PDSS2: variants seen among roughly 807,000 people sequenced by gnomAD.
The protein encoded by PDSS2 is decaprenyl diphosphate synthase subunit 2, also known as all trans-polyprenyl-diphosphate synthase PDSS2.
PDSS2 carries 31 observed loss-of-function variants against 44.5 expected under a neutral mutation model. The ratio of observed to expected loss-of-function variants is 0.70; its 90% CI spans 0.52 to 0.94. PDSS2 has a LOEUF of 0.94. Among genes scored for constraint, PDSS2 ranks in the 40% least tolerant of loss-of-function variants. PDSS2 has a pLI of 0.00. For synonymous variants in PDSS2, 157 were observed against 180.3 expected, an observed-to-expected ratio of 0.87 and a Z score of 1.03; for missense variants, 452 against 482.2, an observed-to-expected ratio of 0.94 and a Z score of 0.59.
chr6:107,267,699 C>T (rs1388643794), intron 3 of PDSS2, among the ~76,000 whole-genome samples: 1 of 151,508 alleles, frequency 6.6e-6, no homozygotes, highest in Non-Finnish European at 1.5e-5. Flanking sequence ...AATCCTACCA[C>T]CTCAGCCTGC....
chr6:107,363,912 C>T, intron 1 of PDSS2, among the ~76,000 whole-genome samples: 1 of 152,182 alleles, frequency 6.6e-6, no homozygotes, highest in East Asian at 1.9e-4. Context: ...TTGGTGCACT[C>T]ACAAACCTTG....
intron 2 of PDSS2, among the ~76,000 whole-genome samples, chr6:107,332,554 C>T (rs914229854): frequency 1.3e-5 from 2 of 151,874 alleles, no homozygotes; most frequent in Non-Finnish European, 2.9e-5. Flanking sequence ...TAATGCTAGT[C>T]TGATCTATAA....
At chr6:107,432,529 G>A (rs970245953) in intron 1 of PDSS2, among the ~76,000 whole-genome samples, 1 of 152,168 alleles carries the variant, frequency 6.6e-6, no homozygotes, top group Non-Finnish European at 1.5e-5. Context: ...GGTGGCTCAT[G>A]CCTGTGATCC....
chr6:107,293,168 A>T (rs1776401226), intron 2 of PDSS2, among the ~76,000 whole-genome samples: 1 of 152,128 alleles, frequency 6.6e-6, no homozygotes, highest in African/African-American at 2.4e-5. Context: ...CCCTGGACAT[A>T]TGGGAATCCC....
At chr6:107,317,576 G>A (rs763416) in intron 2 of PDSS2, among the ~76,000 whole-genome samples, 24,370 of 152,080 alleles carry the variant, frequency 0.16, 2,098 homozygotes, top group South Asian at 0.2. Flanking sequence ...GATTACAACC[G>A]TGCCTGACCT....
chr6:107,164,167 A>AT (rs111592512), intron 7 of PDSS2, among the ~76,000 whole-genome samples: 44,499 of 136,270 alleles, frequency 0.33, 7,125 homozygotes, highest in Non-Finnish European at 0.39. Flanking sequence ...ACTTAAAAAA[A>AT]ATTTTTTTTT....
chr6:107,334,876 G>A (rs908832399), intron 1 of PDSS2, among the ~76,000 whole-genome samples: 5 of 151,996 alleles, frequency 3.3e-5, no homozygotes, highest in African/African-American at 1.2e-4. Flanking sequence ...CGACAATCTC[G>A]CTGGTGGCAG....
chr6:107,443,110 A>C (rs1037736698), intron 1 of PDSS2, among the ~76,000 whole-genome samples: 3 of 152,240 alleles, frequency 2.0e-5, no homozygotes, highest in African/African-American at 4.8e-5. Flanking sequence ...CTGACTAACA[A>C]GCATAGTACT....
chr6:107,361,455 T>C (rs1267111762), intron 1 of PDSS2, among the ~76,000 whole-genome samples: 1 of 152,226 alleles, frequency 6.6e-6, no homozygotes, highest in African/African-American at 2.4e-5. Flanking sequence ...ACCCATTTCA[T>C]TTTTCAATTT....
intron 1 of PDSS2, among the ~76,000 whole-genome samples, chr6:107,373,823 A>C (rs1394563658): frequency 6.6e-6 from 1 of 152,230 alleles, no homozygotes; most frequent in Non-Finnish European, 1.5e-5. Context: ...TAGATGAAGT[A>C]CAACAGAGGT....
chr6:107,268,022 A>C (rs977496789), intron 3 of PDSS2, among the ~76,000 whole-genome samples: 3 of 152,318 alleles, frequency 2.0e-5, no homozygotes, highest in South Asian at 2.1e-4. Flanking sequence ...GGTCTACCTC[A>C]TGAGTATATG....
At chr6:107,274,960 AC>A (rs1381394089) in intron 2 of PDSS2, among the ~76,000 whole-genome samples, 2 of 152,216 alleles carry the variant, frequency 1.3e-5, no homozygotes, top group Non-Finnish European at 2.9e-5. Flanking sequence ...GGTGTGAGCC[AC>A]TGCTCCTAGC....
intron 7 of PDSS2, among the ~76,000 whole-genome samples, chr6:107,185,400 A>G (rs1468854958): frequency 6.6e-6 from 1 of 152,180 alleles, no homozygotes; most frequent in Non-Finnish European, 1.5e-5. Context: ...TTAAAAAGAA[A>G]CTGGGAAAAA....
At chr6:107,250,259 A>C (rs915232793) in intron 3 of PDSS2, among the ~76,000 whole-genome samples, 2 of 152,072 alleles carry the variant, frequency 1.3e-5, no homozygotes, top group Non-Finnish European at 2.9e-5. Context: ...AGCTATTTAC[A>C]AAATAGAAGT....
chr6:107,370,353 C>T (rs1047061463), intron 1 of PDSS2, among the ~76,000 whole-genome samples: 3 of 152,130 alleles, frequency 2.0e-5, no homozygotes, highest in African/African-American at 7.2e-5. Flanking sequence ...GAATCATTTA[C>T]GCAAGATTAC....
chr6:107,360,798 TTGACTC>T (rs1388368389), intron 1 of PDSS2, among the ~76,000 whole-genome samples: 1 of 152,368 alleles, frequency 6.6e-6, no homozygotes, highest in East Asian at 1.9e-4. Context: ...CTGTTTTGTT[TTGACTC>T]TATGTATAGT....
rs183193554 is a variant in PDSS2, at chr6:107,169,162, G to A, written c.1042-14385C>T. Among the ~76,000 whole-genome samples the A allele has an allele frequency of 5.4e-3, 819 of 152,116 alleles. 8 individuals carry two copies. The highest frequency in any genetic ancestry group is 5.9e-3 in the Non-Finnish European group (399 of 68,010). ...TTCACATAGTCCCATATTTCTCGGA[G>A]GCTTTGTTTGTTTATTTTTCCTCTT... On this transcript the variant is annotated intron_variant, in intron 7 of 7. Transcript: ENST00000369037.
intron 1 of PDSS2, among the ~76,000 whole-genome samples, chr6:107,443,546 T>C (rs1252988487): frequency 6.6e-6 from 1 of 152,256 alleles, no homozygotes; most frequent in African/African-American, 2.4e-5. Flanking sequence ...TTCATGTATC[T>C]TGTCCAGTTT....
intron 7 of PDSS2, among the ~76,000 whole-genome samples, chr6:107,181,619 G>A (rs547582796): frequency 1.1e-3 from 172 of 151,370 alleles, no homozygotes; most frequent in Non-Finnish European, 2.1e-3. Flanking sequence ...GTCGGGCACC[G>A]TGGCTCACAC....
Sources: gnomAD v4.1 joint callset for allele counts (sites outside exome capture counted in the v4.1 genomes callset) on GRCh38, gnomAD v4.1.1 for gene constraint, MANE v1.5 for transcripts, NCBI Gene and HGNC (gene_info 2026-07-23, HGNC 2026-07-21) for gene names.